DNAH9: variants seen among roughly 807,000 people sequenced by gnomAD.
The protein encoded by DNAH9 is DNAH9 variant protein.
A neutral mutation model predicts 471.6 loss-of-function variants in DNAH9; 345 were observed. The observed-to-expected ratio is 0.73, with a 90% CI of 0.67 to 0.80. DNAH9 has a LOEUF of 0.80. Among genes scored for constraint, DNAH9 ranks in the 30% least tolerant of loss-of-function variants. The pLI is 0.00. For missense variants in DNAH9, 5,407 were observed against 5,609.2 expected (o/e 0.96, Z 1.15); for synonymous variants, 2,093 against 2,123.6 (o/e 0.99, Z 0.40).
At chr17:11,739,753 G>A (rs7213226) in intron 29 of DNAH9, among the ~76,000 whole-genome samples, 43,147 of 152,038 alleles carry the variant, frequency 0.28, 6,280 homozygotes, top group South Asian at 0.33. Context: ...ACATTTCATC[G>A]AAGTAGCTGG....
intron 4 of DNAH9, among the ~76,000 whole-genome samples, chr17:11,614,952 G>C (rs547698693): frequency 1.3e-5 from 2 of 152,202 alleles, no homozygotes; most frequent in Non-Finnish European, 2.9e-5. Context: ...TCACATAGCA[G>C]CAATTAAGGA....
chr17:11,702,767 T>C (rs2074623527), intron 24 of DNAH9, among the ~76,000 whole-genome samples: 1 of 152,020 alleles, frequency 6.6e-6, no homozygotes, highest in Non-Finnish European at 1.5e-5. Flanking sequence ...AGGGGCCACA[T>C]TGCAGGGGCT....
Position 11,875,170 on chromosome 17 carries a change from G to A in DNAH9, c.10464G>A (p.Gln3488=), listed in dbSNP as rs1972427418. 6.2e-7 allele frequency: 1 copy of A among 1,612,192 alleles called. No homozygotes were observed. Among genetic ancestry groups the A allele is most frequent in the Admixed American group, 1.7e-5 (1 of 59,814 alleles). The part of the protein sequence containing the change: ...NKYGEDLRVT[Q]IGQKGYLQII... ...ATGGTGAAGATCTCCGGGTCACGCA[G>A]ATTGGTCAGAAAGGGTAAGTGGTTG... is the stretch of plus-strand genomic sequence containing the variant. The change falls in exon 53 of 69, where the codon CAG becomes CAA. Residue 3488 remains glutamine (Q), a synonymous_variant. Transcript: ENST00000262442.
chr17:11,704,036 T>C (rs2074651312), intron 24 of DNAH9, among the ~76,000 whole-genome samples, 167 bp from the exon 25 acceptor site: 1 of 152,196 alleles, frequency 6.6e-6, no homozygotes, highest in Admixed American at 6.5e-5. Context: ...ACTTCACACC[T>C]TCAAGGGTTT....
At chr17:11,674,671 A>C (rs2074022941) in intron 17 of DNAH9, among the ~76,000 whole-genome samples, 1 of 152,128 alleles carries the variant, frequency 6.6e-6, no homozygotes, top group Admixed American at 6.5e-5. Flanking sequence ...GTGTATTCTG[A>C]TAAACAAATT....
Position 11,769,205 on chromosome 17 carries a change from G to A in DNAH9, c.7428G>A (p.Leu2476=), listed in dbSNP as rs1171424005. The A allele has an allele frequency of 2.5e-6, 4 of 1,614,102 alleles. No homozygotes were observed. Among genetic ancestry groups the A allele is most frequent in the Non-Finnish European group, 3.4e-6 (4 of 1,180,042 alleles). The change falls in exon 38 of 69, where the codon CTG becomes CTA. Residue 2476 remains leucine, a synonymous_variant. Transcript: ENST00000262442. The part of the protein sequence containing the change: ...RLMARQRPVM[L]VGTAGTGKSV... ...TGGCGCGGCAGCGGCCTGTCATGCT[G>A]GTGGGCACGGCTGGCACTGGCAAGT...
intron 49 of DNAH9, among the ~76,000 whole-genome samples, chr17:11,835,782 C>T (rs1325419135): frequency 1.3e-5 from 2 of 152,148 alleles, no homozygotes; most frequent in Admixed American, 1.3e-4. Context: ...CCCTTTCTTC[C>T]TTCAAATGAA....
chr17:11,853,837 G>C (rs950509851), intron 49 of DNAH9, among the ~76,000 whole-genome samples, 166 bp from the exon 50 acceptor site: 2 of 152,188 alleles, frequency 1.3e-5, no homozygotes, highest in Admixed American at 6.5e-5. Flanking sequence ...CTGAGGAGTA[G>C]CTTTGGTTTC....
chr17:11,879,932 A>G lies in DNAH9; in HGVS notation c.10479-146A>G, dbSNP rs867751599. ...ACATAAATATCACTTTACATAGGGA[A>G]GAAATGTGGCCACTGAAAACATTCC... is the stretch of plus-strand genomic sequence containing the variant. On this transcript the variant is annotated intron_variant, in intron 53 of 68. Transcript: ENST00000262442. The G allele has an allele frequency of 3.2e-5, 27 of 850,786 alleles. No individual in the cohort carries two copies. The Middle Eastern group carries it at 3.0e-3, about 95-fold the overall frequency. The allele number at this position is 850,786 out of a possible 1,614,324, so 52.7% of individuals were successfully genotyped here.
At chr17:11,870,702 T>C (rs1006072830) in intron 51 of DNAH9, among the ~76,000 whole-genome samples, 2 of 152,120 alleles carry the variant, frequency 1.3e-5, no homozygotes, top group African/African-American at 4.8e-5. Context: ...CCCTGCTTGG[T>C]TTCTGAACTT....
In DNAH9 at chr17:11,893,254, T is replaced by C. The variant is rs1391969720; in HGVS notation, c.11284-1120T>C. Among the ~76,000 whole-genome samples, 10 of 151,442 alleles carry C rather than the reference T, an allele frequency of 6.6e-5. No individual in the cohort carries two copies. In the East Asian group the frequency reaches 1.9e-3, roughly 29 times the overall value. On this transcript the variant is annotated intron_variant, in intron 58 of 68. Coordinates refer to ENST00000262442, the MANE Select transcript of DNAH9 (RefSeq NM_001372.4). ...TCAAACTAAGCCAAAGGCTTTTCTC[T>C]CCCCTGTACACAGCTCACTAATTCC...
Position 11,598,816 on chromosome 17 carries a change from CGGGCCCGAGCCTCCA to C in DNAH9, c.327_341del (p.Glu109_Pro113del). ...CTAAGGCGCTTTTTTTCCTTCGCAC[CGGGCCCGAGCCTCCA>C]GGGCCCGACAGCTTCCGCGGCGCAG... is the stretch of plus-strand genomic sequence containing the variant. On this transcript the variant is annotated inframe_deletion, in exon 1 of 69. Transcript: ENST00000262442. 1.3e-6 allele frequency: 2 copies of C among 1,487,406 alleles called. No homozygotes were observed. The highest frequency in any genetic ancestry group is 1.8e-6 in the Non-Finnish European group (2 of 1,123,216). The allele number at this position is 1,487,406 out of a possible 1,614,324, so 92.1% of individuals were successfully genotyped here.
intron 59 of DNAH9, among the ~76,000 whole-genome samples, chr17:11,901,005 G>A (rs1477480280): frequency 6.6e-6 from 1 of 152,208 alleles, no homozygotes; most frequent in Non-Finnish European, 1.5e-5. Context: ...TACTAAGAGG[G>A]TATGAGAAAG....
chr17:11,919,469 T>G (rs1974062644), intron 61 of DNAH9, among the ~76,000 whole-genome samples: 2 of 121,260 alleles, frequency 1.6e-5, no homozygotes, highest in African/African-American at 6.4e-5. Flanking sequence ...CACTCCAGCC[T>G]GGGCGACAGA....
chr17:11,942,815 G>A (rs1294701843), intron 67 of DNAH9, among the ~76,000 whole-genome samples: 3 of 152,206 alleles, frequency 2.0e-5, no homozygotes, highest in African/African-American at 7.2e-5. Context: ...TGTTCACTCC[G>A]ATGACAGGAA....
At chr17:11,859,325 T>C (rs1365107279) in intron 50 of DNAH9, among the ~76,000 whole-genome samples, 2 of 149,384 alleles carry the variant, frequency 1.3e-5, no homozygotes, top group Non-Finnish European at 3.0e-5. Flanking sequence ...GGCAGAAGAA[T>C]TGCTTGAACC....
intron 55 of DNAH9, chr17:11,883,255 C>G (rs186388073): frequency 1.2e-5 from 12 of 1,039,012 alleles, no homozygotes; most frequent in Non-Finnish European, 1.4e-5. Flanking sequence ...CCCTAACCCT[C>G]TAGTTACACA....
intron 56 of DNAH9, chr17:11,884,445 C>A (rs1972819018): frequency 2.6e-6 from 1 of 380,282 alleles, no homozygotes. Context: ...ATCAGAAGGG[C>A]ATTGGAGATA....
intron 62 of DNAH9, among the ~76,000 whole-genome samples, chr17:11,926,809 T>C (rs942713349): frequency 2.0e-5 from 3 of 152,212 alleles, no homozygotes; most frequent in Non-Finnish European, 4.4e-5. Context: ...TATTTCTGCT[T>C]CTGTATCTTT....
Sources: allele counts gnomAD v4.1 joint callset (sites outside exome capture counted in the v4.1 genomes callset), GRCh38; gene constraint gnomAD v4.1.1; transcripts MANE v1.5; gene names NCBI Gene and HGNC (gene_info 2026-07-23, HGNC 2026-07-21).